TAF1: variants seen among roughly 807,000 people sequenced by gnomAD.
TAF1 encodes the protein transcription initiation factor TFIID subunit 1.
In TAF1, 2 loss-of-function variants were observed where a neutral mutation model predicts 138.5. That is an observed-to-expected ratio of 0.01 (90% CI 0.01 to 0.05). The LOEUF (loss-of-function observed/expected upper bound fraction) is 0.05, where lower values mean the gene tolerates loss of function less well. TAF1 is among the 10% of genes least tolerant of loss of function. The probability of loss-of-function intolerance (pLI) is 1.00; values close to 1 mark genes in which losing one functional copy is unlikely to be tolerated. For missense variants in TAF1, 709 were observed against 1,478.0 expected (o/e 0.48, Z 8.53); for synonymous variants, 437 against 503.2 (o/e 0.87, Z 1.76).
chrX:71,458,544 G>C (rs2038406405), intron 35 of TAF1, among the ~76,000 whole-genome samples, 178 bp downstream of exon 35: 1 of 111,333 alleles, frequency 9.0e-6, no homozygotes, highest in Admixed American at 9.6e-5. Context: ...CGTGTGACTG[G>C]TGTTATATTC....
intron 3 of TAF1, chrX:71,368,902 G>T (rs1357753261): frequency 3.2e-5 from 3 of 93,588 alleles, no homozygotes; most frequent in African/African-American, 1.2e-4. Context: ...CCAGGTTGGA[G>T]TGCGGTGACA....
At chrX:71,370,439 C>G (rs773050103) in intron 3 of TAF1, among the ~76,000 whole-genome samples, 4 of 111,143 alleles carry the variant, frequency 3.6e-5, no homozygotes, top group Non-Finnish European at 5.7e-5. Context: ...TTCCACCTAC[C>G]GGGTTCAAGT....
intron 3 of TAF1, among the ~76,000 whole-genome samples, chrX:71,369,592 A>G (rs2032867625): frequency 9.2e-6 from 1 of 108,813 alleles, no homozygotes; most frequent in Non-Finnish European, 1.9e-5. Context: ...CTAAACTGAT[A>G]GGCAGTGTGT....
intron 3 of TAF1, among the ~76,000 whole-genome samples, chrX:71,370,383 G>C (rs780290964): frequency 1.8e-5 from 2 of 111,061 alleles, no homozygotes; most frequent in African/African-American, 3.3e-5. Flanking sequence ...GTCTCTCTCT[G>C]TCACCAGGGC....
intron 32 of TAF1, among the ~76,000 whole-genome samples, chrX:71,428,078 C>T (rs1310559413): frequency 1.1e-4 from 10 of 91,312 alleles, no homozygotes; most frequent in Non-Finnish European, 1.9e-4. Context: ...TGCAGTGGCG[C>T]GATCTTGGCT....
At chrX:71,485,788 C>G (rs1377884921) in intron 13 of TAF1, among the ~76,000 whole-genome samples, 1 of 110,325 alleles carries the variant, frequency 9.1e-6, no homozygotes, top group African/African-American at 3.3e-5. Context: ...TTCTTCAATC[C>G]TATAGGTTGC....
downstream of TAF1, among the ~76,000 whole-genome samples, chrX:71,469,524 C>G (rs1274436309): frequency 3.7e-5 from 4 of 107,769 alleles, no homozygotes; most frequent in South Asian, 1.7e-3. Flanking sequence ...GAGACCTCCT[C>G]TCTACAAATA....
chrX:71,460,383 G>GA (rs2038499556), intron 36 of TAF1, among the ~76,000 whole-genome samples: 1 of 112,773 alleles, frequency 8.9e-6, no homozygotes, highest in Admixed American at 9.4e-5. Context: ...GTAGATGGTA[G>GA]AAAAAATACA....
At chrX:71,421,765 C>T (rs1001304630) in intron 29 of TAF1, among the ~76,000 whole-genome samples, 1 of 111,989 alleles carries the variant, frequency 8.9e-6, no homozygotes, top group Non-Finnish European at 1.9e-5. Context: ...GCAGCAAGTG[C>T]TAGAAGTTTT....
At chrX:71,406,610 G>GT in intron 25 of TAF1, 28 bp from the exon 26 acceptor site, 1 of 1,176,691 alleles carries the variant, frequency 8.5e-7, no homozygotes, top group Non-Finnish European at 1.2e-6. Flanking sequence ...AATAGGGGCT[G>GT]TATCTAACTA....
chrX:71,383,459 A>G (rs1472888443), intron 12 of TAF1, among the ~76,000 whole-genome samples: 1 of 112,519 alleles, frequency 8.9e-6, no homozygotes, highest in Non-Finnish European at 1.9e-5. Context: ...ATAAGTGTTC[A>G]TAGTACAGTC....
intron 14 of TAF1, chrX:71,529,594 G>T (rs867391103): frequency 8.0e-5 from 23 of 287,262 alleles, no homozygotes; most frequent in Admixed American, 1.1e-4. Context: ...TAAAGGCATA[G>T]AATACTGAAT....
intron 28 of TAF1, among the ~76,000 whole-genome samples, chrX:71,410,925 G>A (rs1167728659): frequency 2.7e-5 from 3 of 110,840 alleles, no homozygotes; most frequent in Non-Finnish European, 5.7e-5. Flanking sequence ...TGGGATTATA[G>A]GCATGCACCA....
intron 28 of TAF1, chrX:71,419,940 C>T (rs373087551): frequency 3.2e-5 from 7 of 220,304 alleles, no homozygotes; most frequent in Middle Eastern, 1.7e-3. Context: ...ATTCTCCCCC[C>T]CTTCCACAGT....
At chrX:71,406,004 C>T (rs2035446748) in intron 25 of TAF1, among the ~76,000 whole-genome samples, 1 of 111,028 alleles carries the variant, frequency 9.0e-6, no homozygotes, top group South Asian at 3.8e-4. Context: ...TTTCTTGTTT[C>T]CATTCTGAAC....
chrX:71,512,157 T>A (rs941112963), intron 13 of TAF1, among the ~76,000 whole-genome samples: 4 of 108,612 alleles, frequency 3.7e-5, no homozygotes, highest in Non-Finnish European at 7.6e-5. Flanking sequence ...TACTAAAAAA[T>A]ACAAAAAATT....
At chrX:71,504,431 C>T (rs1189335636) in intron 13 of TAF1, among the ~76,000 whole-genome samples, 1 of 109,958 alleles carries the variant, frequency 9.1e-6, no homozygotes, top group African/African-American at 3.3e-5. Context: ...TTACAGAGAA[C>T]TGTCATTGCC....
intron 34 of TAF1, among the ~76,000 whole-genome samples, chrX:71,455,856 G>A (rs748135649): frequency 3.9e-4 from 44 of 111,674 alleles, no homozygotes; most frequent in Non-Finnish European, 7.0e-4. Context: ...TGCAACCTAT[G>A]TGACCTCTGT....
chrX:71,381,652 ATGAG>A (rs2033899539), intron 8 of TAF1, 87 bp from the exon 9 acceptor site: 2 of 1,012,414 alleles, frequency 2.0e-6, no homozygotes, highest in Non-Finnish European at 2.7e-6. Context: ...CTCTACTAAC[ATGAG>A]TAACTCTTTT....
Sources: gnomAD v4.1 joint callset for allele counts (sites outside exome capture counted in the v4.1 genomes callset) on GRCh38, gnomAD v4.1.1 for gene constraint, MANE v1.5 for transcripts, NCBI Gene and HGNC (gene_info 2026-07-23, HGNC 2026-07-21) for gene names.